PDE10A: variants seen among roughly 807,000 people sequenced by gnomAD.
PDE10A encodes the protein cAMP and cAMP-inhibited cGMP 3',5'-cyclic phosphodiesterase 10A.
In PDE10A, 39 loss-of-function variants were observed where a neutral mutation model predicts 97.7. The observed-to-expected ratio is 0.40, with a 90% CI of 0.31 to 0.52. The LOEUF is 0.52. Among genes scored for constraint, PDE10A ranks in the 20% least tolerant of loss-of-function variants. The pLI, the probability that PDE10A is intolerant of heterozygous loss-of-function variation, is 0.56. For synonymous variants in PDE10A, 371 were observed against 376.8 expected (o/e 0.98, Z 0.18); for missense variants, 731 against 1,047.8 (o/e 0.70, Z 4.17).
intron 2 of PDE10A, among the ~76,000 whole-genome samples, chr6:165,498,193 T>C (rs991759618): frequency 2.0e-5 from 3 of 151,568 alleles, no homozygotes; most frequent in African/African-American, 7.3e-5. Flanking sequence ...GGAGGATAGC[T>C]TGAGGCCAGG....
intron 21 of PDE10A, among the ~76,000 whole-genome samples, chr6:165,335,495 G>T (rs533572206): frequency 1.3e-5 from 2 of 152,258 alleles, no homozygotes; most frequent in African/African-American, 4.8e-5. Context: ...TATACATAGT[G>T]TACTACATAG....
Position 165,366,221 on chromosome 6 carries a change from T to C in PDE10A, c.2783+12973A>G, listed in dbSNP as rs182938587. Among the ~76,000 whole-genome samples the C allele has an allele frequency of 8.5e-3, 1,291 of 152,292 alleles. 19 individuals are homozygous for C. Among genetic ancestry groups the C allele is most frequent in the Admixed American group, 0.034 (514 of 15,292 alleles). On this transcript the variant is annotated intron_variant, in intron 18 of 21. Coordinates refer to ENST00000539869, the MANE Select transcript of PDE10A (RefSeq NM_001385079.1). Reference sequence around the variant, plus strand: ...TTAAAGTCATGCACATATTAGAATGTGCTTGCTTTCTTCACAATAAGCTAA... The same window carrying C: ...TTAAAGTCATGCACATATTAGAATGCGCTTGCTTTCTTCACAATAAGCTAA...
At chr6:165,496,488 G>A (rs1039874066) in intron 2 of PDE10A, among the ~76,000 whole-genome samples, 2 of 152,172 alleles carry the variant, frequency 1.3e-5, no homozygotes, top group African/African-American at 4.8e-5. Context: ...TTAGGATAAT[G>A]TTAGGATTAA....
chr6:165,630,931 T>C (rs1788600105), intron 1 of PDE10A, among the ~76,000 whole-genome samples: 1 of 152,162 alleles, frequency 6.6e-6, no homozygotes, highest in Non-Finnish European at 1.5e-5. Context: ...GCTCGCTTGC[T>C]CTAAGGCCAA....
chr6:165,890,531 T>C (rs549918679), intron 1 of PDE10A, among the ~76,000 whole-genome samples: 62 of 152,318 alleles, frequency 4.1e-4, no homozygotes, highest in Admixed American at 3.5e-3. Context: ...CGACTGACCC[T>C]CTGCTTATGA....
At chr6:165,977,450 T>C (rs1428863735) in intron 1 of PDE10A, among the ~76,000 whole-genome samples, 1 of 152,148 alleles carries the variant, frequency 6.6e-6, no homozygotes, top group African/African-American at 2.4e-5. Context: ...GCAAGCACAA[T>C]ACACCACTTA....
chr6:165,559,728 G>C (rs1784430952), intron 1 of PDE10A, among the ~76,000 whole-genome samples: 1 of 152,268 alleles, frequency 6.6e-6, no homozygotes, highest in South Asian at 2.1e-4. Context: ...ATTCCCACGT[G>C]TTGCGGGAGG....
intron 1 of PDE10A, among the ~76,000 whole-genome samples, chr6:165,816,883 A>C (rs891471813): frequency 1.3e-5 from 2 of 152,108 alleles, no homozygotes; most frequent in Admixed American, 1.3e-4. Context: ...GGAAGAGTGC[A>C]GGCAGGAAGG....
chr6:165,461,862 C>T (rs1207258933), intron 3 of PDE10A, among the ~76,000 whole-genome samples: 1 of 152,232 alleles, frequency 6.6e-6, no homozygotes. Flanking sequence ...GCCCAACTTG[C>T]CAAATGGTAT....
chr6:165,677,759 C>T (rs1159233697), intron 1 of PDE10A, among the ~76,000 whole-genome samples: 2 of 151,796 alleles, frequency 1.3e-5, no homozygotes, highest in African/African-American at 4.8e-5. Flanking sequence ...TGTTCATATG[C>T]GTAATGTGTT....
intron 2 of PDE10A, among the ~76,000 whole-genome samples, chr6:165,494,276 T>C (rs1780394026): frequency 1.3e-5 from 2 of 152,046 alleles, no homozygotes; most frequent in African/African-American, 4.8e-5. Context: ...CTTAAAGAAC[T>C]AAAAGTAGAT....
chr6:165,503,680 A>C (rs1052399935), intron 2 of PDE10A, among the ~76,000 whole-genome samples: 3 of 152,212 alleles, frequency 2.0e-5, no homozygotes, highest in Non-Finnish European at 2.9e-5. Flanking sequence ...GTTAGAAAGA[A>C]GCCATTAAAG....
chr6:165,898,842 C>T (rs1377176776), intron 1 of PDE10A, among the ~76,000 whole-genome samples: 2 of 152,170 alleles, frequency 1.3e-5, no homozygotes, highest in Non-Finnish European at 2.9e-5. Context: ...CTTCCTCACT[C>T]GGCCAAGTGC....
chr6:165,597,171 T>C (rs1275370464), intron 1 of PDE10A, among the ~76,000 whole-genome samples: 1 of 152,160 alleles, frequency 6.6e-6, no homozygotes, highest in Non-Finnish European at 1.5e-5. Context: ...GATTTTATTT[T>C]AATCTATTCA....
intron 1 of PDE10A, among the ~76,000 whole-genome samples, chr6:165,816,108 C>T (rs1195044903): frequency 6.6e-6 from 1 of 152,138 alleles, no homozygotes; most frequent in African/African-American, 2.4e-5. Context: ...CACCACCACT[C>T]CTGGCTAATT....
At chr6:165,917,656 A>G (rs7772128) in intron 1 of PDE10A, among the ~76,000 whole-genome samples, 22,239 of 152,234 alleles carry the variant, frequency 0.15, 1,876 homozygotes, top group East Asian at 0.26. Context: ...GAAGAAAAAA[A>G]AAGGCAGCCA....
rs1233268934 is a variant in PDE10A, at chr6:165,487,283, G to C, written c.995-4940C>G. On this transcript the variant is annotated intron_variant, in intron 2 of 21. Coordinates refer to ENST00000539869, the MANE Select transcript of PDE10A (RefSeq NM_001385079.1). ...TCTTTGTGAAGCAGGGTTTTCTGCA[G>C]TGACAGCGACTAAAATGAGATTACA... is the stretch of plus-strand genomic sequence containing the variant. Among the ~76,000 whole-genome samples the C allele has an allele frequency of 3.9e-5, 6 of 152,272 alleles. No homozygotes were observed. The East Asian group carries it at 1.2e-3, about 29-fold the overall frequency.
rs184467845 is a variant in PDE10A, at chr6:165,472,373, T to C, written c.1023+9942A>G. On this transcript the variant is annotated intron_variant, in intron 3 of 21. Transcript: ENST00000539869. ...TGCCTATATTTTCTTTTTTCTGAAA[T>C]AGATTGCCAAAGACAATCTATTTTA... Among the ~76,000 whole-genome samples, 621 of 152,254 alleles carry C rather than the reference T, an allele frequency of 4.1e-3. 2 individuals are homozygous for C. Among genetic ancestry groups the C allele is most frequent in the Non-Finnish European group, 6.7e-3 (457 of 67,994 alleles).
At chr6:165,631,202 C>G (rs2128414701) in intron 1 of PDE10A, among the ~76,000 whole-genome samples, 1 of 152,274 alleles carries the variant, frequency 6.6e-6, no homozygotes, top group East Asian at 1.9e-4. Context: ...AAGATTATCA[C>G]TTTGGTCTAG....
Sources: gnomAD v4.1 joint callset for allele counts (sites outside exome capture counted in the v4.1 genomes callset) on GRCh38, gnomAD v4.1.1 for gene constraint, MANE v1.5 for transcripts, NCBI Gene and HGNC (gene_info 2026-07-23, HGNC 2026-07-21) for gene names.